The following DLG2 variants were observed in gnomAD, a reference collection of about 807,000 sequenced individuals.
DLG2 encodes the protein disks large homolog 2.
A neutral mutation model predicts 132.5 loss-of-function variants in DLG2; 45 were observed. The ratio of observed to expected loss-of-function variants is 0.34; its 90% confidence interval spans 0.27 to 0.44. DLG2 has a LOEUF of 0.44. DLG2 is among the 20% of genes least tolerant of loss of function. The pLI is 1.00. For synonymous variants in DLG2, 424 were observed against 419.6 expected, an observed-to-expected ratio of 1.01 and a Z score of -0.13; for missense variants, 1,045 against 1,196.9, an observed-to-expected ratio of 0.87 and a Z score of 1.87.
At chr11:83,938,626 G>A (rs1461193267) in intron 14 of DLG2, among the ~76,000 whole-genome samples, 2 of 152,154 alleles carry the variant, frequency 1.3e-5, no homozygotes, top group East Asian at 1.9e-4. Flanking sequence ...CTATTCATTT[G>A]TACATTCATT....
At chr11:85,424,895 A>C (rs568624877) in intron 3 of DLG2, among the ~76,000 whole-genome samples, 66 of 152,298 alleles carry the variant, frequency 4.3e-4, no homozygotes, top group Middle Eastern at 6.8e-3. Context: ...AGCCTGCAGA[A>C]TGGTGAGAAA....
intron 3 of DLG2, among the ~76,000 whole-genome samples, chr11:85,310,395 G>T (rs893600705): frequency 6.6e-6 from 1 of 152,148 alleles, no homozygotes; most frequent in South Asian, 2.1e-4. Context: ...GTCTGTTTTT[G>T]AAGTTAATCT....
chr11:83,932,052 G>T (rs1331633345), intron 14 of DLG2, among the ~76,000 whole-genome samples: 2 of 152,126 alleles, frequency 1.3e-5, no homozygotes, highest in Non-Finnish European at 2.9e-5. Flanking sequence ...TGTTGATTGT[G>T]AGAGCACTTA....
At chr11:84,845,374 C>A (rs964350164) in intron 6 of DLG2, among the ~76,000 whole-genome samples, 1 of 151,912 alleles carries the variant, frequency 6.6e-6, no homozygotes, top group African/African-American at 2.4e-5. Context: ...CAACGATACA[C>A]AAAACAAACA....
intron 6 of DLG2, among the ~76,000 whole-genome samples, chr11:84,732,515 C>T (rs1025321132): frequency 1.3e-5 from 2 of 151,900 alleles, no homozygotes; most frequent in African/African-American, 4.8e-5. Flanking sequence ...CTTAATGACT[C>T]ATTGTGTTGA....
chr11:83,731,617 C>A (rs898271173), intron 18 of DLG2, among the ~76,000 whole-genome samples: 7 of 152,110 alleles, frequency 4.6e-5, no homozygotes, highest in Non-Finnish European at 1.5e-5. Context: ...TATGTCTTTG[C>A]AGTAGAATGA....
At chr11:83,471,031 A>AT (rs200218433) in intron 24 of DLG2, among the ~76,000 whole-genome samples, 2,041 of 152,206 alleles carry the variant, frequency 0.013, 24 homozygotes, top group Middle Eastern at 0.031. Flanking sequence ...TTAGAATCTA[A>AT]TAAGGCTACA....
At chr11:85,091,270 C>T (rs2068729821) in intron 6 of DLG2, among the ~76,000 whole-genome samples, 1 of 152,190 alleles carries the variant, frequency 6.6e-6, no homozygotes, top group Admixed American at 6.5e-5. Flanking sequence ...AAAGCCTTTA[C>T]TTAAGGTATA....
chr11:84,467,350 A>AAAT (rs1192951774), intron 7 of DLG2, among the ~76,000 whole-genome samples: 1 of 151,496 alleles, frequency 6.6e-6, no homozygotes, highest in Non-Finnish European at 1.5e-5. Flanking sequence ...TAAGTCATAG[A>AAAT]AATAACATTT....
intron 8 of DLG2, among the ~76,000 whole-genome samples, chr11:84,180,081 T>G (rs2096075533): frequency 6.6e-6 from 1 of 151,688 alleles, no homozygotes; most frequent in African/African-American, 2.4e-5. Context: ...AGAACCAGAG[T>G]CAAATACGGC....
intron 3 of DLG2, among the ~76,000 whole-genome samples, chr11:85,404,001 C>T (rs550324953): frequency 4.4e-4 from 67 of 152,002 alleles, no homozygotes; most frequent in Non-Finnish European, 6.8e-4. Flanking sequence ...AAGCCTCTAA[C>T]TTGCACATTT....
chr11:85,275,846 T>C (rs2077855503), intron 4 of DLG2, among the ~76,000 whole-genome samples: 1 of 152,118 alleles, frequency 6.6e-6, no homozygotes, highest in African/African-American at 2.4e-5. Context: ...CACAGTATTG[T>C]AGGGGAGTTC....
chr11:84,556,395 G>A (rs2099412024), intron 6 of DLG2, among the ~76,000 whole-genome samples: 1 of 152,070 alleles, frequency 6.6e-6, no homozygotes, highest in South Asian at 2.1e-4. Context: ...TTCTGTTTTG[G>A]CTCATAGCAA....
At chr11:84,065,637 C>T (rs1019111485) in intron 10 of DLG2, among the ~76,000 whole-genome samples, 1 of 152,134 alleles carries the variant, frequency 6.6e-6, no homozygotes, top group Non-Finnish European at 1.5e-5. Flanking sequence ...TTAGTTCAGC[C>T]ATTGTGGGAA....
intron 6 of DLG2, among the ~76,000 whole-genome samples, chr11:84,806,678 C>G (rs77761739): frequency 6.6e-6 from 1 of 152,056 alleles, no homozygotes; most frequent in South Asian, 2.1e-4. Context: ...GATAAAATGG[C>G]TTCTAGAGAA....
At chr11:84,908,380 A>G (rs576001223) in intron 6 of DLG2, among the ~76,000 whole-genome samples, 1 of 152,328 alleles carries the variant, frequency 6.6e-6, no homozygotes, top group South Asian at 2.1e-4. Flanking sequence ...CTCAGTTCAG[A>G]CTACCAATAC....
At chr11:83,729,049 A>G (rs1258637857) in intron 18 of DLG2, among the ~76,000 whole-genome samples, 1 of 152,196 alleles carries the variant, frequency 6.6e-6, no homozygotes, top group Non-Finnish European at 1.5e-5. Context: ...TACTGTGAAG[A>G]TATCTTAATA....
chr11:84,566,987 A>G (rs1206481529), intron 6 of DLG2, among the ~76,000 whole-genome samples: 2 of 152,176 alleles, frequency 1.3e-5, no homozygotes, highest in East Asian at 1.9e-4. Flanking sequence ...CTTGAAACAC[A>G]TAACGACTTT....
rs184540160 is a variant in DLG2, at chr11:85,012,008, G to A, written c.357+99653C>T. 9.7e-4 allele frequency among the ~76,000 whole-genome samples: 147 copies of A among 152,172 alleles called. 1 individual carries two copies. Among genetic ancestry groups the A allele is most frequent in the African/African-American group, 3.3e-3 (138 of 41,520 alleles). On this transcript the variant is annotated intron_variant, in intron 6 of 27. Coordinates refer to ENST00000376104, the MANE Select transcript of DLG2 (RefSeq NM_001142699.3). ...AAACCATAGACTGGTCAACAAGTTA[G>A]GTATATAAACAGATCATTAAAATAC...
Sources: allele counts gnomAD v4.1 joint callset (sites outside exome capture counted in the v4.1 genomes callset), GRCh38; gene constraint gnomAD v4.1.1; transcripts MANE v1.5; gene names NCBI Gene and HGNC (gene_info 2026-07-23, HGNC 2026-07-21).